The following APBA1 variants were observed in gnomAD, a reference collection of about 807,000 sequenced individuals.
APBA1 encodes the protein amyloid beta precursor protein binding family A member 1.
In APBA1, 55 loss-of-function variants were observed where a neutral mutation model predicts 86.6. That is an observed-to-expected ratio of 0.64 (90% CI 0.51 to 0.80). The LOEUF (loss-of-function observed/expected upper bound fraction) is 0.80. Among genes scored for constraint, APBA1 ranks in the 30% least tolerant of loss-of-function variants. APBA1 has a pLI of 0.00. For synonymous variants in APBA1, 511 were observed against 493.9 expected, an observed-to-expected ratio of 1.03 and a Z score of -0.46; for missense variants, 1,090 against 1,183.0, an observed-to-expected ratio of 0.92 and a Z score of 1.15.
chr9:69,506,358 AC>A (rs1211806368), intron 2 of APBA1, among the ~76,000 whole-genome samples: 13 of 138,806 alleles, frequency 9.4e-5, no homozygotes, highest in Non-Finnish European at 3.1e-5. Context: ...CGCTTTTCGG[AC>A]CGGCTTAAAA....
rs763326988 is a variant in APBA1 at position 69,516,843 on chromosome 9, C to T, written c.368G>A (p.Arg123Gln). 1.2e-6 allele frequency: 2 copies of T among 1,603,204 alleles called. No homozygotes were observed. The highest frequency in any genetic ancestry group is 1.7e-6 in the Non-Finnish European group (2 of 1,178,842). Residue 123 changes from arginine to glutamine, a missense_variant, in exon 2 of 13, where the codon CGG becomes CAG. Arg to Gln is a conservative substitution (Grantham distance 43, BLOSUM62 1). Transcript: ENST00000265381. This position sits in a 1 kb window ranked among gnomAD's most constrained non-coding sequence, Gnocchi z 7.3. ...EDESAYAVQY[R>Q]PEAEEYTEQA... ...CTCCGTGTACTCCTCGGCCTCGGGC[C>T]GGTACTGCACAGCATAGGCGCTCTC...
chr9:69,530,694 C>T (rs1836417129), intron 1 of APBA1, among the ~76,000 whole-genome samples: 1 of 152,182 alleles, frequency 6.6e-6, no homozygotes, highest in South Asian at 2.1e-4. Flanking sequence ...AACAAACATA[C>T]ACATGTACAC....
At chr9:69,515,292 T>G (rs1836118544) in intron 2 of APBA1, among the ~76,000 whole-genome samples, 1 of 152,172 alleles carries the variant, frequency 6.6e-6, no homozygotes, top group African/African-American at 2.4e-5. Context: ...AAACTTTGGT[T>G]AAGTGTCTCT....
At chr9:69,579,992 TA>T (rs940205451) in intron 1 of APBA1, among the ~76,000 whole-genome samples, 7 of 152,034 alleles carry the variant, frequency 4.6e-5, no homozygotes, top group East Asian at 1.9e-4. Flanking sequence ...CCTACTTCCT[TA>T]AAAAAAATGT....
rs1269575207 is a variant in APBA1, at chr9:69,427,543, G to C, written c.*3784C>G. The C allele has an allele frequency of 6.6e-6, 1 of 152,200 alleles. No homozygotes were observed. The highest frequency in any genetic ancestry group is 2.4e-5 in the African/African-American group (1 of 41,446). 9.4% of individuals were successfully genotyped at this position (152,200 alleles called of 1,614,324 possible). ...ACACTTGGCCAGGCCAAGAGGTGAAGTTCTTGTTTATTGTTGCAGCAACTC... is the reference window on the plus strand; with the variant it reads ...ACACTTGGCCAGGCCAAGAGGTGAACTTCTTGTTTATTGTTGCAGCAACTC... On this transcript the variant is annotated 3_prime_UTR_variant, in exon 13 of 13. Coordinates refer to ENST00000265381, the MANE Select transcript of APBA1 (RefSeq NM_001163.4).
At chr9:69,504,247 G>C (rs1835919552) in intron 2 of APBA1, among the ~76,000 whole-genome samples, 1 of 151,710 alleles carries the variant, frequency 6.6e-6, no homozygotes, top group Admixed American at 6.6e-5. Flanking sequence ...TTTTAATCTG[G>C]AAGTTCATGT....
chr9:69,515,879 G>C (rs542861208), intron 2 of APBA1, 132 bp downstream of exon 2: 1 of 955,520 alleles, frequency 1.0e-6, no homozygotes, highest in Admixed American at 3.0e-5. Flanking sequence ...TGAGGCTTAC[G>C]GTGGAAAAGT....
chr9:69,562,314 A>G (rs955065023), intron 1 of APBA1, among the ~76,000 whole-genome samples: 1 of 152,184 alleles, frequency 6.6e-6, no homozygotes, highest in African/African-American at 2.4e-5. Context: ...TCACAAGAGA[A>G]TTATACCTTA....
chr9:69,623,806 C>G (rs527749576), intron 1 of APBA1, among the ~76,000 whole-genome samples: 15 of 152,214 alleles, frequency 9.9e-5, no homozygotes, highest in African/African-American at 3.6e-4. Flanking sequence ...TGAGGATGTT[C>G]AAAACAAAAC....
intron 1 of APBA1, among the ~76,000 whole-genome samples, chr9:69,582,317 G>A (rs1052540583): frequency 5.3e-5 from 8 of 152,130 alleles, no homozygotes; most frequent in Admixed American, 2.6e-4. Context: ...AGGCACTCCA[G>A]GAGTCCAAAC....
At chr9:69,671,588 C>A (rs1347652528) in intron 1 of APBA1, among the ~76,000 whole-genome samples, 1 of 152,108 alleles carries the variant, frequency 6.6e-6, no homozygotes, top group Non-Finnish European at 1.5e-5. Flanking sequence ...GGATTTGGGG[C>A]GCAGTTTGGG....
At chr9:69,554,808 T>C (rs535365085) in intron 1 of APBA1, among the ~76,000 whole-genome samples, 4 of 152,026 alleles carry the variant, frequency 2.6e-5, no homozygotes, top group African/African-American at 4.8e-5. Flanking sequence ...AAAACACACA[T>C]GGTGATGTCC....
At chr9:69,569,906 G>A (rs1017824662) in intron 1 of APBA1, among the ~76,000 whole-genome samples, 1 of 152,166 alleles carries the variant, frequency 6.6e-6, no homozygotes, top group Non-Finnish European at 1.5e-5. Flanking sequence ...TGCCAGGCAT[G>A]TAATCTTCAT....
chr9:69,458,247 C>CAA, intron 5 of APBA1, 59 bp from the exon 6 acceptor site: 3 of 1,513,192 alleles, frequency 2.0e-6, no homozygotes, highest in South Asian at 2.4e-5. Context: ...TGTAGAGACT[C>CAA]AAAGTCAAAA....
chr9:69,465,220 C>T (rs574099025), intron 5 of APBA1: 1 of 152,460 alleles, frequency 6.6e-6, no homozygotes, highest in South Asian at 2.1e-4. Flanking sequence ...GGTGCCCCCA[C>T]TCATTTCCAA....
At chr9:69,649,054 C>G (rs1823444483) in intron 1 of APBA1, among the ~76,000 whole-genome samples, 1 of 152,154 alleles carries the variant, frequency 6.6e-6, no homozygotes. Flanking sequence ...CAACCTATCC[C>G]CAAGTCCTGA....
chr9:69,667,861 C>A (rs1305992250), intron 1 of APBA1, among the ~76,000 whole-genome samples: 1 of 152,042 alleles, frequency 6.6e-6, no homozygotes, highest in Non-Finnish European at 1.5e-5. Flanking sequence ...GCTGCCACTT[C>A]CACCTACCAC....
At chr9:69,584,531 C>A (rs771307121) in intron 1 of APBA1, among the ~76,000 whole-genome samples, 19 of 152,186 alleles carry the variant, frequency 1.2e-4, no homozygotes, top group Non-Finnish European at 2.2e-4. Flanking sequence ...GTTACTTAAC[C>A]TCTCTGTGCT....
intron 1 of APBA1, among the ~76,000 whole-genome samples, chr9:69,552,842 A>C (rs1289044850): frequency 6.6e-6 from 1 of 151,910 alleles, no homozygotes; most frequent in Non-Finnish European, 1.5e-5. Context: ...GATATTTTTC[A>C]GAGTTAATTT....
Sources: gnomAD v4.1 joint callset for allele counts (sites outside exome capture counted in the v4.1 genomes callset) on GRCh38, gnomAD v4.1.1 for gene constraint, Gnocchi (gnomAD v3.1) non-coding constraint, MANE v1.5 for transcripts, NCBI Gene and HGNC (gene_info 2026-07-23, HGNC 2026-07-21) for gene names.